The following IL1RAPL2 variants were observed in gnomAD, a reference collection of about 807,000 sequenced individuals.
The protein encoded by IL1RAPL2 is interleukin 1 receptor accessory protein like 2, also known as X-linked interleukin-1 receptor accessory protein-like 2.
Under a neutral mutation model 44.1 loss-of-function variants are expected in IL1RAPL2, and 3 were observed. The ratio of observed to expected loss-of-function variants is 0.07; its 90% confidence interval spans 0.03 to 0.18. IL1RAPL2 has a LOEUF of 0.18. IL1RAPL2 is among the 10% of genes least tolerant of loss of function. The probability of loss-of-function intolerance (pLI) is 1.00; values close to 1 mark genes in which losing one functional copy is unlikely to be tolerated. For missense variants in IL1RAPL2, 391 were observed against 496.4 expected (o/e 0.79, Z 2.02); for synonymous variants, 181 against 178.8 (o/e 1.01, Z -0.10).
At chrX:105,695,542 A>C (rs925654473) in intron 6 of IL1RAPL2, among the ~76,000 whole-genome samples, 17 of 111,644 alleles carry the variant, frequency 1.5e-4, no homozygotes, top group African/African-American at 5.2e-4. Context: ...TAATCTAAAA[A>C]TAGAATTGCA....
At chrX:105,375,018 G>GA (rs1400188142) in intron 5 of IL1RAPL2, among the ~76,000 whole-genome samples, 7 of 109,103 alleles carry the variant, frequency 6.4e-5, no homozygotes, top group African/African-American at 1.0e-4. Context: ...TCAGCCTAAG[G>GA]AGCTTTTGGG....
intron 4 of IL1RAPL2, among the ~76,000 whole-genome samples, chrX:105,261,052 C>T (rs1216566541): frequency 2.7e-5 from 3 of 112,032 alleles, no homozygotes; most frequent in Non-Finnish European, 3.8e-5. Flanking sequence ...CCAGGGTCTC[C>T]TCACATGCTT....
At chrX:104,696,634 A>G (rs931847309) in intron 2 of IL1RAPL2, among the ~76,000 whole-genome samples, 1 of 111,900 alleles carries the variant, frequency 8.9e-6, no homozygotes, top group African/African-American at 3.2e-5. Flanking sequence ...GAGTTCACAT[A>G]GTAGGAAACA....
At chrX:105,354,355 A>T (rs964902566) in intron 5 of IL1RAPL2, among the ~76,000 whole-genome samples, 1 of 109,409 alleles carries the variant, frequency 9.1e-6, no homozygotes, top group Admixed American at 9.8e-5. Flanking sequence ...CTTTGTAGGG[A>T]CATGGATGAA....
rs1395093330 is a variant in IL1RAPL2, at chrX:105,325,576, T to TAC, written c.697+58039_697+58040dup. Among the ~76,000 whole-genome samples the TAC allele has an allele frequency of 4.9e-4, 46 of 93,737 alleles. 1 individual carries two copies. The highest frequency in any genetic ancestry group is 1.8e-3 in the African/African-American group (43 of 24,271). The allele number at this position is 93,737 out of a possible 115,157, so 81.4% of individuals were successfully genotyped here. A position where few individuals can be genotyped will look rare whatever the true frequency, so the allele number is the denominator to read the frequency against. ...ATATATATATATATATATATATATA[T>TAC]ACACATATGTATATATGTATGTGGA... is the stretch of plus-strand genomic sequence containing the variant. On this transcript the variant is annotated intron_variant, in intron 5 of 10. Coordinates refer to ENST00000372582, the MANE Select transcript of IL1RAPL2 (RefSeq NM_017416.2).
At chrX:105,632,869 A>C (rs940336080) in intron 6 of IL1RAPL2, among the ~76,000 whole-genome samples, 2 of 111,987 alleles carry the variant, frequency 1.8e-5, no homozygotes, top group African/African-American at 3.2e-5. Context: ...CCAGTTCTCA[A>C]CGAGGTGAGT....
At chrX:105,569,244 C>T (rs1484582340) in intron 6 of IL1RAPL2, among the ~76,000 whole-genome samples, 2 of 111,454 alleles carry the variant, frequency 1.8e-5, no homozygotes, top group Admixed American at 9.6e-5. Flanking sequence ...CTTTGATTCT[C>T]ACAACAAACC....
intron 5 of IL1RAPL2, among the ~76,000 whole-genome samples, chrX:105,304,296 G>A (rs1366369027): frequency 2.7e-5 from 3 of 112,949 alleles, no homozygotes; most frequent in African/African-American, 6.4e-5. Flanking sequence ...GGAGTTTGGA[G>A]CTAGGATTTT....
At chrX:104,875,893 A>G (rs1012958532) in intron 2 of IL1RAPL2, among the ~76,000 whole-genome samples, 3 of 110,844 alleles carry the variant, frequency 2.7e-5, no homozygotes, top group Non-Finnish European at 5.7e-5. Flanking sequence ...TATAAGCTCT[A>G]TGAGAACAGG....
intron 2 of IL1RAPL2, among the ~76,000 whole-genome samples, chrX:105,034,939 T>TC (rs746061231): frequency 9.0e-6 from 1 of 110,498 alleles, no homozygotes; most frequent in Non-Finnish European, 1.9e-5. Flanking sequence ...GCCTGGGCAA[T>TC]GCGGGCGCCC....
At chrX:105,076,301 G>A (rs368654949) in intron 2 of IL1RAPL2, among the ~76,000 whole-genome samples, 1 of 111,093 alleles carries the variant, frequency 9.0e-6, no homozygotes, top group Admixed American at 9.6e-5. Context: ...TCGTTATGTA[G>A]CCAGTAGTCA....
chrX:104,848,450 T>A (rs928498315), intron 2 of IL1RAPL2, among the ~76,000 whole-genome samples: 1 of 85,350 alleles, frequency 1.2e-5, no homozygotes, highest in African/African-American at 4.3e-5. Context: ...TATATATATA[T>A]AACTTAAACA....
rs886223910 is a variant in IL1RAPL2, at chrX:104,936,653, C to T, written c.83-258822C>T. The stretch of plus-strand genomic sequence containing the variant: ...TTTTTTTTTTTTTGAGATGGAGTCT[C>T]GCTCAGTTGCCCAGGCTAGAGTGCA... On this transcript the variant is annotated intron_variant, in intron 2 of 10. Transcript: ENST00000372582. Among the ~76,000 whole-genome samples the T allele has an allele frequency of 7.0e-4, 67 of 95,865 alleles. 1 individual carries two copies. Among genetic ancestry groups the T allele is most frequent in the South Asian group, 3.7e-3 (7 of 1,890 alleles). The allele number at this position is 95,865 out of a possible 115,157, so 83.2% of individuals were successfully genotyped here.
chrX:105,700,537 T>G (rs1287111498), intron 6 of IL1RAPL2, among the ~76,000 whole-genome samples: 1 of 111,839 alleles, frequency 8.9e-6, no homozygotes, highest in African/African-American at 3.2e-5. Context: ...GAAAAGCACT[T>G]AAGTCTCAGT....
At chrX:105,055,943 G>C (rs949735609) in intron 2 of IL1RAPL2, among the ~76,000 whole-genome samples, 5 of 111,747 alleles carry the variant, frequency 4.5e-5, no homozygotes, top group Non-Finnish European at 9.4e-5. Flanking sequence ...TTCTTTCAAA[G>C]GTGAAAGGAG....
At chrX:105,283,223 G>A (rs1195767425) in intron 5 of IL1RAPL2, among the ~76,000 whole-genome samples, 1 of 111,635 alleles carries the variant, frequency 9.0e-6, no homozygotes, top group Non-Finnish European at 1.9e-5. Flanking sequence ...AGTATAATGA[G>A]AGGGGGGAGA....
At chrX:105,763,576 G>A (rs758864218) in intron 10 of IL1RAPL2, among the ~76,000 whole-genome samples, 24 of 110,188 alleles carry the variant, frequency 2.2e-4, no homozygotes, top group Non-Finnish European at 4.2e-4. Context: ...AAGAAAGAGC[G>A]AGAAAGAAAA....
At chrX:105,297,516 C>G (rs1036796891) in intron 5 of IL1RAPL2, among the ~76,000 whole-genome samples, 2 of 110,274 alleles carry the variant, frequency 1.8e-5, no homozygotes, top group Non-Finnish European at 3.8e-5. Context: ...GGCAGGGAGG[C>G]GAAGGGGAGG....
At chrX:105,415,052 G>A (rs915888609) in intron 5 of IL1RAPL2, among the ~76,000 whole-genome samples, 4 of 112,080 alleles carry the variant, frequency 3.6e-5, no homozygotes, top group Admixed American at 9.4e-5. Flanking sequence ...TCTTTGCTTT[G>A]CATCAATTTT....
Sources: allele counts gnomAD v4.1 joint callset (sites outside exome capture counted in the v4.1 genomes callset), GRCh38; gene constraint gnomAD v4.1.1; transcripts MANE v1.5; gene names NCBI Gene and HGNC (gene_info 2026-07-23, HGNC 2026-07-21).